Variants in WDR35 observed in about 807,000 individuals in gnomAD.
The protein encoded by WDR35 is WD repeat domain 35.
WDR35 carries 118 observed loss-of-function variants against 158.3 expected under a neutral mutation model. The ratio of observed to expected loss-of-function variants is 0.75; its 90% confidence interval spans 0.64 to 0.87. WDR35 has a LOEUF of 0.87. WDR35 is among the 40% of genes least tolerant of loss of function. The probability of loss-of-function intolerance (pLI) is 0.00; values close to 1 mark genes in which losing one functional copy is unlikely to be tolerated. For missense variants in WDR35, 1,263 were observed against 1,405.8 expected, an observed-to-expected ratio of 0.90 and a Z score of 1.62; for synonymous variants, 448 against 476.1, an observed-to-expected ratio of 0.94 and a Z score of 0.77.
rs201670647 is a variant in WDR35, at chr2:19,981,523, C to CT, written c.215-741dup. Among the ~76,000 whole-genome samples, 324 of 151,056 alleles carry CT rather than the reference C, an allele frequency of 2.1e-3. 1 individual carries two copies. The highest frequency in any genetic ancestry group is 7.3e-3 in the African/African-American group (300 of 41,150). ...TTGTTATACATCTTCAGTCTTTAGT[C>CT]TTTTTTTTTCTTGAGACAGGATCTT... On this transcript the variant is annotated intron_variant, in intron 3 of 26. Coordinates refer to ENST00000281405, the MANE Select transcript of WDR35 (RefSeq NM_020779.4).
chr2:19,927,357 T>C (rs547021202), intron 25 of WDR35, among the ~76,000 whole-genome samples: 3 of 152,340 alleles, frequency 2.0e-5, no homozygotes, highest in Admixed American at 1.3e-4. Context: ...GAAGATTGCA[T>C]TGCAGAACAG....
At chr2:19,948,339 C>G (rs1671123793) in intron 13 of WDR35, 122 bp from the exon 14 acceptor site, 1 of 839,798 alleles carries the variant, frequency 1.2e-6, no homozygotes, top group African/African-American at 1.7e-5. Flanking sequence ...CATTTATTTA[C>G]TGCTGAGCAC....
At chr2:19,918,418 A>G (rs1159686282) in intron 25 of WDR35, among the ~76,000 whole-genome samples, 2 of 152,230 alleles carry the variant, frequency 1.3e-5, no homozygotes, top group Non-Finnish European at 2.9e-5. Flanking sequence ...TAAATGGGCT[A>G]AATGCCCCAA....
chr2:19,943,387 G>A (rs549738009), intron 16 of WDR35, among the ~76,000 whole-genome samples: 1 of 152,116 alleles, frequency 6.6e-6, no homozygotes, highest in South Asian at 2.1e-4. Context: ...TCTAAAATGT[G>A]CATTATGCTG....
rs1258740677 is a variant in WDR35, at chr2:19,933,394, T to C, written c.2658+7A>G. ...AAGCTGCACAGACAGAAAGTTTCAG[T>C]TCCTACTTGGTTGAGATGTACGCAG... On this transcript the variant is annotated splice_region_variant and intron_variant, in intron 22 of 26. Transcript: ENST00000281405. The C allele has an allele frequency of 1.2e-6, 2 of 1,610,428 alleles. No individual in the cohort carries two copies. The highest frequency in any genetic ancestry group is 1.7e-6 in the Non-Finnish European group (2 of 1,176,962).
Position 19,913,519 on chromosome 2 carries a change from C to T in WDR35, c.*39G>A. 1.9e-6 allele frequency: 3 copies of T among 1,602,546 alleles called. No homozygotes were observed. Among genetic ancestry groups the T allele is most frequent in the Non-Finnish European group, 2.6e-6 (3 of 1,169,650 alleles). ...TACAGCATATAGCCATGTATATATG[C>T]TACATATATTTTACAGTTATATACA... On this transcript the variant is annotated 3_prime_UTR_variant, in exon 27 of 27. Coordinates refer to ENST00000281405, the MANE Select transcript of WDR35 (RefSeq NM_020779.4).
Position 19,913,472 on chromosome 2 carries a change from C to G in WDR35, c.*86G>C. ...GAGGCTGATTTTCATACAAAACTCA[C>G]AGAAATAAACCTTATTACATATACA... On this transcript the variant is annotated 3_prime_UTR_variant, in exon 27 of 27. Transcript: ENST00000281405. 6.6e-7 allele frequency: 1 copy of G among 1,515,684 alleles called. No individual in the cohort carries two copies. 93.9% of individuals were successfully genotyped at this position (1,515,684 alleles called of 1,614,324 possible).
rs146659718 is a variant in WDR35 at position 19,975,612 on chromosome 2, G to A, written c.488C>T (p.Thr163Ile). 14 of 1,613,958 alleles carry A rather than the reference G, an allele frequency of 8.7e-6. No individual in the cohort carries two copies. The highest frequency in any genetic ancestry group is 1.1e-5 in the Non-Finnish European group (13 of 1,179,972). ...DLKGIQLSHV[T>I]WSADSKVLLF... ...TAAGACTTTACTGTCCGCAGACCATGTTACATGGGATAGCTGTATACCCTT... is the reference window on the plus strand; with the variant it reads ...TAAGACTTTACTGTCCGCAGACCATATTACATGGGATAGCTGTATACCCTT... The change falls in exon 6 of 27, where the codon ACA becomes ATA. Residue 163 changes from threonine to isoleucine, a missense_variant. By Grantham distance (89) the Thr-to-Ile change is moderately conservative. Coordinates refer to ENST00000281405, the MANE Select transcript of WDR35 (RefSeq NM_020779.4).
In WDR35 at chr2:19,989,148, G is replaced by A. The variant is rs1364419027; in HGVS notation, c.142+17C>T. 1.2e-6 allele frequency: 2 copies of A among 1,606,140 alleles called. No individual in the cohort carries two copies. Among genetic ancestry groups the A allele is most frequent in the African/African-American group, 1.3e-5 (1 of 74,702 alleles). Reference sequence around the variant, plus strand: ...TAGCCAATTTACTACCAAACATGTGGGCTTGCATTCATTTACCTGTCTGCG... The same window carrying A: ...TAGCCAATTTACTACCAAACATGTGAGCTTGCATTCATTTACCTGTCTGCG... On this transcript the variant is annotated intron_variant, in intron 2 of 26. Transcript: ENST00000281405.
chr2:19,934,075 A>ACCACCACCACC lies in WDR35; in HGVS notation c.2548-565_2548-564insGGTGGTGGTGG, dbSNP rs1558330070. 9.0e-5 allele frequency among the ~76,000 whole-genome samples: 6 copies of ACCACCACCACC among 66,802 alleles called. No individual in the cohort carries two copies. Among genetic ancestry groups the ACCACCACCACC allele is most frequent in the African/African-American group, 4.7e-4 (6 of 12,814 alleles). 43.8% of individuals were successfully genotyped at this position (66,802 alleles called of 152,430 possible). A position where few individuals can be genotyped will look rare whatever the true frequency, so the allele number is the denominator to read the frequency against. Reference sequence around the variant, plus strand: ...CCACCACCACCACCACCACCACCACAAAAAAAAATCCTACTTGTTCAGCTG... The same window carrying ACCACCACCACC: ...CCACCACCACCACCACCACCACCACACCACCACCACCAAAAAAAATCCTACTTGTTCAGCTG... On this transcript the variant is annotated intron_variant, in intron 21 of 26. Coordinates refer to ENST00000281405, the MANE Select transcript of WDR35 (RefSeq NM_020779.4). The surrounding 1 kb of genome is among the most constrained non-coding windows in gnomAD (Gnocchi z 4.6).
chr2:19,984,014 TATATATATATATATATATATATATATAC>T (rs745887273), intron 2 of WDR35, among the ~76,000 whole-genome samples: 32,361 of 61,984 alleles, frequency 0.52, 3,727 homozygotes, highest in East Asian at 0.57. Flanking sequence ...TATATATATA[TATATATATATATATATATATATATATAC>T]ATATATACAC....
chr2:19,984,659 GA>G (rs1672495529), intron 2 of WDR35, among the ~76,000 whole-genome samples: 1 of 152,180 alleles, frequency 6.6e-6, no homozygotes, highest in Non-Finnish European at 1.5e-5. Context: ...TAAAGCAACT[GA>G]AAACAAAAGG....
At chr2:19,961,581 C>A (rs1212910993) in intron 10 of WDR35, among the ~76,000 whole-genome samples, 1 of 152,200 alleles carries the variant, frequency 6.6e-6, no homozygotes, top group Non-Finnish European at 1.5e-5. Flanking sequence ...TGAAACATGG[C>A]TTTGCCTGTA....
chr2:19,974,435 T>A (rs779713100), intron 7 of WDR35, 33 bp downstream of exon 7: 2 of 1,536,600 alleles, frequency 1.3e-6, no homozygotes, highest in African/African-American at 1.4e-5. Context: ...AAATAGAAAT[T>A]AAAAAAATTT....
intron 25 of WDR35, among the ~76,000 whole-genome samples, chr2:19,915,299 G>A (rs1450715696): frequency 6.6e-6 from 1 of 152,048 alleles, no homozygotes; most frequent in African/African-American, 2.4e-5. Context: ...ACAACAAAGT[G>A]TAGTAGAAAA....
rs915925667 is a variant in WDR35 at position 19,951,328 on chromosome 2, C to G, written c.1470+87G>C. The G allele has an allele frequency of 1.1e-5, 13 of 1,208,918 alleles. No individual in the cohort carries two copies. The African/African-American group carries it at 2.0e-4, about 19-fold the overall frequency. 74.9% of individuals were successfully genotyped at this position (1,208,918 alleles called of 1,614,324 possible). ...AAAATAATATCCTATTCACTGGAAA[C>G]AAATTATTTTTCAGGTTTCAAAATA... is the stretch of plus-strand genomic sequence containing the variant. On this transcript the variant is annotated intron_variant, in intron 13 of 26. Transcript: ENST00000281405.
rs745573113 is a variant in WDR35, at chr2:19,935,608, A to C, written c.2415-5T>G. The C allele has an allele frequency of 2.5e-6, 4 of 1,610,946 alleles. No homozygotes were observed. The highest frequency in any genetic ancestry group is 3.4e-6 in the Non-Finnish European group (4 of 1,179,378). On this transcript the variant is annotated splice_polypyrimidine_tract_variant and splice_region_variant and intron_variant, in intron 20 of 26. Coordinates refer to ENST00000281405, the MANE Select transcript of WDR35 (RefSeq NM_020779.4). ...TAATATTGTACAGCATTCAACCTACAGAAAGAAAAAAGGAAAAACTTTTAA... is the reference window on the plus strand; with the variant it reads ...TAATATTGTACAGCATTCAACCTACCGAAAGAAAAAAGGAAAAACTTTTAA...
At chr2:19,971,221 C>A (rs1449898740) in intron 8 of WDR35, among the ~76,000 whole-genome samples, 2 of 152,154 alleles carry the variant, frequency 1.3e-5, no homozygotes, top group Non-Finnish European at 2.9e-5. Flanking sequence ...TTGTTCTAAG[C>A]AGATACCCTC....
intron 9 of WDR35, among the ~76,000 whole-genome samples, chr2:19,968,817 T>C (rs1033932382): frequency 1.6e-4 from 25 of 152,332 alleles, no homozygotes; most frequent in South Asian, 8.3e-4. Flanking sequence ...CAAGATAAAA[T>C]ACTGATTATA....
Sources: gnomAD v4.1 joint callset for allele counts (sites outside exome capture counted in the v4.1 genomes callset) on GRCh38, gnomAD v4.1.1 for gene constraint, Gnocchi (gnomAD v3.1) non-coding constraint, MANE v1.5 for transcripts, NCBI Gene and HGNC (gene_info 2026-07-23, HGNC 2026-07-21) for gene names.